The following KIF2A variants were observed in gnomAD, a reference collection of about 807,000 sequenced individuals.
KIF2A encodes kinesin family member 2A, also known as kinesin-like protein KIF2A.
KIF2A carries 22 observed loss-of-function variants against 100.2 expected under a neutral mutation model. The ratio of observed to expected loss-of-function variants is 0.22; its 90% CI spans 0.16 to 0.31. The LOEUF is 0.31. Among genes scored for constraint, KIF2A ranks in the 10% least tolerant of loss-of-function variants. The pLI, the probability that KIF2A is intolerant of heterozygous loss-of-function variation, is 1.00. For missense variants in KIF2A, 495 were observed against 898.7 expected, an observed-to-expected ratio of 0.55 and a Z score of 5.74; for synonymous variants, 268 against 285.9, an observed-to-expected ratio of 0.94 and a Z score of 0.63.
At chr5:62,375,741 C>A (rs1262838141) in intron 18 of KIF2A, among the ~76,000 whole-genome samples, 1 of 152,108 alleles carries the variant, frequency 6.6e-6, no homozygotes, top group Non-Finnish European at 1.5e-5. Context: ...GCAGTTTGGC[C>A]CCCAAAGCAA....
intron 1 of KIF2A, among the ~76,000 whole-genome samples, chr5:62,318,109 A>C (rs934279882): frequency 5.3e-5 from 8 of 151,620 alleles, no homozygotes; most frequent in African/African-American, 1.9e-4. Context: ...TTGGAGACAG[A>C]GTCTTGGTCT....
chr5:62,347,197 A>G lies in KIF2A; in HGVS notation c.132A>G (p.Ile44Met). The G allele has an allele frequency of 6.3e-7, 1 of 1,587,466 alleles. No homozygotes were observed. The highest frequency in any genetic ancestry group is 8.6e-7 in the Non-Finnish European group (1 of 1,160,514). The change falls in exon 2 of 21, where the codon ATA becomes ATG. Residue 44 changes from isoleucine to methionine, a missense_variant. Physicochemically the swap from Ile to Met is conservative, Grantham distance 10 (BLOSUM62 1). Around this residue, in one of 10 missense-constraint regions of KIF2A, gnomAD observed 115 missense variants for 143.6 expected, o/e 0.80. Transcript: ENST00000407818. ...ATGAAAGTGTAACTGTTGAATGGAT[A>G]GAAAATGGAGATACAAAAGGCAAAG... ...EDNESVTVEW[I>M]ENGDTKGKEI... is the part of the protein sequence containing the mutation.
At chr5:62,365,130 T>TGATC in intron 14 of KIF2A, 113 bp from the exon 15 acceptor site, 1 of 499,830 alleles carries the variant, frequency 2.0e-6, no homozygotes. Context: ...TTTTCAAAAC[T>TGATC]GATCAGACCC....
intron 1 of KIF2A, among the ~76,000 whole-genome samples, chr5:62,324,164 G>A (rs191087683): frequency 1.3e-5 from 2 of 152,234 alleles, no homozygotes; most frequent in East Asian, 1.9e-4. Flanking sequence ...CCAAGGAAGC[G>A]AAAGAGCTCT....
Position 62,373,778 on chromosome 5 carries a change from C to G in KIF2A, c.1852C>G (p.Gln618Glu). ...AAACCAGATTGATGACTTAGAGACACAGTGGGGTGTGGGGAGTTCCCCTCA... is the reference window on the plus strand; with the variant it reads ...AAACCAGATTGATGACTTAGAGACAGAGTGGGGTGTGGGGAGTTCCCCTCA... Reference protein sequence around the residue: ...PPNQIDDLETQWGVGSSPQRD... With the variant: ...PPNQIDDLETEWGVGSSPQRD... Residue 618 changes from glutamine to glutamate, a missense_variant, in exon 18 of 21, where the codon CAG becomes GAG. Around this residue, in one of 10 missense-constraint regions of KIF2A, gnomAD observed 100 missense variants for 138.2 expected, o/e 0.72. Coordinates refer to ENST00000407818, the MANE Select transcript of KIF2A (RefSeq NM_001098511.3). 6.2e-7 allele frequency: 1 copy of G among 1,613,068 alleles called. No homozygotes were observed.
chr5:62,315,794 T>C (rs748293602), intron 1 of KIF2A, among the ~76,000 whole-genome samples: 1 of 152,118 alleles, frequency 6.6e-6, no homozygotes. Flanking sequence ...TAGTGATAGA[T>C]TAGAGGGAGC....
chr5:62,333,994 C>CCA (rs1746788549), intron 1 of KIF2A, among the ~76,000 whole-genome samples: 1 of 152,130 alleles, frequency 6.6e-6, no homozygotes, highest in Non-Finnish European at 1.5e-5. Flanking sequence ...TACTTAGAAG[C>CCA]TGTCGTCACC....
At chr5:62,355,799 C>CTT (rs869252403) in intron 7 of KIF2A, among the ~76,000 whole-genome samples, 7 of 137,118 alleles carry the variant, frequency 5.1e-5, no homozygotes, top group South Asian at 2.3e-4. Context: ...CAGGGAGTGC[C>CTT]TTTTTTTTTT....
chr5:62,382,799 A>T (rs1741835409), intron 20 of KIF2A, among the ~76,000 whole-genome samples: 1 of 151,738 alleles, frequency 6.6e-6, no homozygotes, highest in South Asian at 2.1e-4. Flanking sequence ...ATGCACAGCT[A>T]ACTTCTGTAT....
chr5:62,308,837 T>G (rs1745432745), intron 1 of KIF2A, among the ~76,000 whole-genome samples: 2 of 152,164 alleles, frequency 1.3e-5, no homozygotes. Context: ...TGAACAAGTT[T>G]AGAGATACAG....
intron 1 of KIF2A, among the ~76,000 whole-genome samples, chr5:62,326,261 T>TC (rs1360567975): frequency 6.6e-6 from 1 of 152,148 alleles, no homozygotes. Context: ...TCCCCATATT[T>TC]CTGTATTTGT....
At chr5:62,327,926 A>T (rs945297592) in intron 1 of KIF2A, among the ~76,000 whole-genome samples, 13 of 152,218 alleles carry the variant, frequency 8.5e-5, no homozygotes, top group African/African-American at 2.9e-4. Flanking sequence ...ATGTATGCAT[A>T]AGAGAAGATG....
chr5:62,359,223 A>T (rs1279995914), intron 9 of KIF2A, among the ~76,000 whole-genome samples: 1 of 152,172 alleles, frequency 6.6e-6, no homozygotes, highest in Non-Finnish European at 1.5e-5. Flanking sequence ...GTTTGCAAAC[A>T]TTCATTTCTA....
At chr5:62,350,912 C>CAA (rs34215234) in intron 4 of KIF2A, among the ~76,000 whole-genome samples, 7 of 131,694 alleles carry the variant, frequency 5.3e-5, no homozygotes, top group South Asian at 2.4e-4. Context: ...ACTCCATCTC[C>CAA]AAAAAAAAAA....
At chr5:62,322,345 T>C (rs1746142019) in intron 1 of KIF2A, among the ~76,000 whole-genome samples, 1 of 152,368 alleles carries the variant, frequency 6.6e-6, no homozygotes, top group East Asian at 1.9e-4. Context: ...CCTTTATTGA[T>C]AGTATCCTTT....
intron 1 of KIF2A, among the ~76,000 whole-genome samples, chr5:62,339,296 ACTCATCACCAAGGGGATGGTGC>A (rs1747146740): frequency 9.1e-6 from 1 of 109,996 alleles, no homozygotes; most frequent in South Asian, 2.6e-4. Context: ...GGGATGGTGC[ACTCATCACCAAGGGGATGGTGC>A]TAAACCATTC....
chr5:62,324,435 A>G lies in KIF2A; in HGVS notation c.64+17899A>G, dbSNP rs551260451. Among the ~76,000 whole-genome samples the G allele has an allele frequency of 2.4e-4, 37 of 152,346 alleles. No homozygotes were observed. The South Asian group carries it at 6.0e-3, about 25-fold the overall frequency. ...AAGCAAAAATAACAAAACCAGAGGT[A>G]TTATACTACCCCCATTTCAAGCTGT... On this transcript the variant is annotated intron_variant, in intron 1 of 20. Coordinates refer to ENST00000407818, the MANE Select transcript of KIF2A (RefSeq NM_001098511.3).
In KIF2A at chr5:62,390,750, A is replaced by C; in HGVS notation, c.*5181A>C. 1.4e-6 allele frequency: 1 copy of C among 736,444 alleles called. No homozygotes were observed. 45.6% of individuals were successfully genotyped at this position (736,444 alleles called of 1,614,324 possible). A position where few individuals can be genotyped will look rare whatever the true frequency, so the allele number is the denominator to read the frequency against. ...TCTACACCAAATACTATTCCATGCC[A>C]TGGAAGTGCTATGCAATAACTCTCC... On this transcript the variant is annotated 3_prime_UTR_variant, in exon 21 of 21. Transcript: ENST00000407818.
intron 1 of KIF2A, among the ~76,000 whole-genome samples, chr5:62,342,246 T>C (rs1212657073): frequency 6.6e-6 from 1 of 152,146 alleles, no homozygotes; most frequent in Non-Finnish European, 1.5e-5. Context: ...TGGTGATTGA[T>C]GCGGGGCTTG....
Sources: gnomAD v4.1 joint callset for allele counts (sites outside exome capture counted in the v4.1 genomes callset) on GRCh38, gnomAD v4.1.1 for gene constraint, gnomAD v4.1.1 regional missense constraint, MANE v1.5 for transcripts, NCBI Gene and HGNC (gene_info 2026-07-23, HGNC 2026-07-21) for gene names.